SLX4IP: variants seen among roughly 807,000 people sequenced by gnomAD.
SLX4IP encodes the protein protein SLX4IP.
A neutral mutation model predicts 32.9 loss-of-function variants in SLX4IP; 34 were observed. That is an observed-to-expected ratio of 1.03 (90% CI 0.79 to 1.38). The LOEUF (loss-of-function observed/expected upper bound fraction) is 1.38. SLX4IP is among the 40% of genes most tolerant of loss of function. SLX4IP has a pLI of 0.00. For missense variants in SLX4IP, 444 were observed against 479.0 expected, an observed-to-expected ratio of 0.93 and a Z score of 0.68; for synonymous variants, 172 against 171.7, an observed-to-expected ratio of 1.00 and a Z score of -0.01.
intron 2 of SLX4IP, among the ~76,000 whole-genome samples, chr20:10,460,529 T>A (rs1478597817): frequency 6.6e-6 from 1 of 152,230 alleles, no homozygotes; most frequent in Non-Finnish European, 1.5e-5. Context: ...CCTTTAGTTC[T>A]CATCCACGTG....
At chr20:10,603,861 A>G (rs6040041) in intron 6 of SLX4IP, among the ~76,000 whole-genome samples, 110,713 of 152,016 alleles carry the variant, frequency 0.73, 40,968 homozygotes, top group African/African-American at 0.86. Context: ...CCCACAAATG[A>G]CCCATCAAGC....
chr20:10,447,397 C>T (rs936857910), intron 1 of SLX4IP, among the ~76,000 whole-genome samples: 1 of 152,020 alleles, frequency 6.6e-6, no homozygotes, highest in African/African-American at 2.4e-5. Context: ...TTTCCCTGTT[C>T]AAGTTTGTGT....
At chr20:10,536,675 C>T (rs568736528) in intron 2 of SLX4IP, among the ~76,000 whole-genome samples, 4 of 152,216 alleles carry the variant, frequency 2.6e-5, no homozygotes, top group Middle Eastern at 3.2e-3. Flanking sequence ...ATGCTACAAA[C>T]GTACTGAGTT....
intron 2 of SLX4IP, among the ~76,000 whole-genome samples, chr20:10,464,412 G>A (rs1446007224): frequency 6.6e-6 from 1 of 152,126 alleles, no homozygotes; most frequent in Admixed American, 6.5e-5. Flanking sequence ...TGCGTACAGT[G>A]GTTCACATCT....
At position 10,592,622 on chromosome 20, in the gene SLX4IP, C is replaced by CTTTT. The variant is rs33995611; in HGVS notation, c.239-6026_239-6023dup. Among the ~76,000 whole-genome samples, 94 of 55,172 alleles carry CTTTT rather than the reference C, an allele frequency of 1.7e-3. 9 individuals carry two copies. The highest frequency in any genetic ancestry group is 2.4e-3 in the African/African-American group (29 of 11,854). The allele number at this position is 55,172 out of a possible 152,430, so 36.2% of individuals were successfully genotyped here. ...GCTTGAAAGCACACGTATTCTTCATCTTTTTTTTTTTTTTTTTTTTTTTTT... is the reference window on the plus strand; with the variant it reads ...GCTTGAAAGCACACGTATTCTTCATCTTTTTTTTTTTTTTTTTTTTTTTTTTTTT... On this transcript the variant is annotated intron_variant, in intron 4 of 7. Transcript: ENST00000334534.
At position 10,622,767 on chromosome 20, in the gene SLX4IP, G is replaced by T. The variant is rs571775569; in HGVS notation, c.615G>T (p.Arg205Ser). Residue 205 changes from arginine to serine, a missense_variant, in exon 8 of 8, where the codon AGG becomes AGT. Arg to Ser is a moderately radical substitution (Grantham distance 110, BLOSUM62 -1). Transcript: ENST00000334534. ...TGATTGCAGAGATAGCAAGGAGGAG[G>T]AATGATGGTCAGGCTTCCTCCAGTC... ...DSVIAEIARRRNDGQASSSPP... is the reference protein window; with the variant it reads ...DSVIAEIARRSNDGQASSSPP... 8.1e-6 allele frequency: 13 copies of T among 1,614,164 alleles called. No individual in the cohort carries two copies. In the East Asian group the frequency reaches 2.5e-4, roughly 30 times the overall value.
chr20:10,492,811 ATAAT>A (rs1292178227), intron 2 of SLX4IP, among the ~76,000 whole-genome samples: 10 of 152,238 alleles, frequency 6.6e-5, no homozygotes, highest in South Asian at 4.1e-4. Flanking sequence ...TTCCCAATGG[ATAAT>A]TAGTTATCTC....
chr20:10,497,441 C>T (rs1669287034), intron 2 of SLX4IP, among the ~76,000 whole-genome samples: 3 of 152,100 alleles, frequency 2.0e-5, no homozygotes, highest in Admixed American at 2.0e-4. Flanking sequence ...GCTTTGTACT[C>T]AAAGGTGTTT....
chr20:10,561,128 T>C (rs2066328095), intron 4 of SLX4IP, among the ~76,000 whole-genome samples: 1 of 152,224 alleles, frequency 6.6e-6, no homozygotes, highest in Non-Finnish European at 1.5e-5. Context: ...TACACATTCA[T>C]AGGATACAGA....
chr20:10,553,836 A>G (rs1236693898), intron 2 of SLX4IP, among the ~76,000 whole-genome samples: 1 of 152,170 alleles, frequency 6.6e-6, no homozygotes, highest in Non-Finnish European at 1.5e-5. Flanking sequence ...ACTAAAGTGC[A>G]CTCTTTTACA....
chr20:10,531,420 C>T (rs187672818), intron 2 of SLX4IP, among the ~76,000 whole-genome samples: 245 of 152,214 alleles, frequency 1.6e-3, no homozygotes, highest in African/African-American at 5.7e-3. Flanking sequence ...TCTGACATGG[C>T]CTGAAAGAAG....
At chr20:10,447,238 G>A (rs1600880164) in intron 1 of SLX4IP, among the ~76,000 whole-genome samples, 1 of 152,346 alleles carries the variant, frequency 6.6e-6, no homozygotes, top group East Asian at 1.9e-4. Context: ...GGTTTCTGGT[G>A]TGTGGAGTCT....
chr20:10,452,911 C>T (rs2065255270), intron 1 of SLX4IP, among the ~76,000 whole-genome samples: 1 of 151,552 alleles, frequency 6.6e-6, no homozygotes, highest in African/African-American at 2.4e-5. Flanking sequence ...GAATTGGATC[C>T]CGATCACTAA....
At position 10,480,204 on chromosome 20, in the gene SLX4IP, G is replaced by T. The variant is rs190615245; in HGVS notation, c.27+21973G>T. 4.6e-3 allele frequency among the ~76,000 whole-genome samples: 698 copies of T among 152,250 alleles called. 4 individuals are homozygous for T. The highest frequency in any genetic ancestry group is 0.016 in the African/African-American group (662 of 41,554). The stretch of plus-strand genomic sequence containing the variant: ...ACCCAGGAGTCTGAGACCAGCCTGG[G>T]CAACACGGTGAAATCCTGTCTCTAC... On this transcript the variant is annotated intron_variant, in intron 2 of 7. Coordinates refer to ENST00000334534, the MANE Select transcript of SLX4IP (RefSeq NM_001009608.3).
At chr20:10,467,180 G>A (rs1056308120) in intron 2 of SLX4IP, among the ~76,000 whole-genome samples, 1 of 152,190 alleles carries the variant, frequency 6.6e-6, no homozygotes, top group African/African-American at 2.4e-5. Context: ...AAATGGGAAC[G>A]TGGTACTGAC....
intron 2 of SLX4IP, among the ~76,000 whole-genome samples, chr20:10,505,771 T>C (rs1466168364): frequency 6.6e-6 from 1 of 152,234 alleles, no homozygotes; most frequent in Non-Finnish European, 1.5e-5. Context: ...GTCTGTATTA[T>C]ATACGTATAA....
chr20:10,506,717 C>G (rs1253557314), intron 2 of SLX4IP, among the ~76,000 whole-genome samples: 1 of 152,110 alleles, frequency 6.6e-6, no homozygotes, highest in Non-Finnish European at 1.5e-5. Flanking sequence ...AGACCATAAA[C>G]AATAACTGGA....
At chr20:10,541,023 A>G (rs1365383439) in intron 2 of SLX4IP, among the ~76,000 whole-genome samples, 2 of 152,218 alleles carry the variant, frequency 1.3e-5, no homozygotes, top group African/African-American at 4.8e-5. Flanking sequence ...CTAAAGTTTA[A>G]GGTTCATTCT....
intron 6 of SLX4IP, among the ~76,000 whole-genome samples, chr20:10,611,535 G>A (rs1028424241): frequency 1.3e-5 from 2 of 152,202 alleles, no homozygotes; most frequent in African/African-American, 4.8e-5. Context: ...CCTTCCAGCA[G>A]GGGGAGGTGA....
Sources: allele counts gnomAD v4.1 joint callset (sites outside exome capture counted in the v4.1 genomes callset), GRCh38; gene constraint gnomAD v4.1.1; transcripts MANE v1.5; gene names NCBI Gene and HGNC (gene_info 2026-07-23, HGNC 2026-07-21).